The following KATNIP variants were observed in gnomAD, a reference collection of about 807,000 sequenced individuals.
The protein encoded by KATNIP is katanin-interacting protein.
In KATNIP, 126 loss-of-function variants were observed where a neutral mutation model predicts 174.0. The ratio of observed to expected loss-of-function variants is 0.72; its 90% CI spans 0.63 to 0.84. KATNIP has a LOEUF of 0.84. KATNIP is among the 40% of genes least tolerant of loss of function. The pLI is 0.00. For synonymous variants in KATNIP, 810 were observed against 835.7 expected (o/e 0.97, Z 0.53); for missense variants, 1,958 against 2,109.7 (o/e 0.93, Z 1.41).
intron 6 of KATNIP, among the ~76,000 whole-genome samples, chr16:27,670,178 AC>A (rs1175605901): frequency 6.6e-6 from 1 of 151,616 alleles, no homozygotes; most frequent in Non-Finnish European, 1.5e-5. Context: ...TTTTTAAAAA[AC>A]TCTAGTTTCC....
At chr16:27,612,655 A>G (rs2075924744) in intron 2 of KATNIP, among the ~76,000 whole-genome samples, 1 of 152,060 alleles carries the variant, frequency 6.6e-6, no homozygotes, top group Non-Finnish European at 1.5e-5. Flanking sequence ...GCTACTTGGG[A>G]GGCCAAGACA....
chr16:27,595,877 A>G (rs1200650011), intron 2 of KATNIP, among the ~76,000 whole-genome samples: 2 of 152,192 alleles, frequency 1.3e-5, no homozygotes, highest in African/African-American at 4.8e-5. Context: ...AGCCACGCAG[A>G]TCTCTGGGAA....
At chr16:27,597,380 A>ATTTTT (rs2075366633) in intron 2 of KATNIP, among the ~76,000 whole-genome samples, 2 of 64,294 alleles carry the variant, frequency 3.1e-5, no homozygotes, top group Non-Finnish European at 7.1e-5. Flanking sequence ...TATATGTGGT[A>ATTTTT]TTTTTTAATG....
In KATNIP at chr16:27,627,643, C is replaced by T. The variant is rs143098298; in HGVS notation, c.141-1018C>T. Among the ~76,000 whole-genome samples the T allele has an allele frequency of 9.9e-5, 15 of 152,280 alleles. No individual in the cohort carries two copies. In the East Asian group the frequency reaches 2.7e-3, roughly 27 times the overall value. On this transcript the variant is annotated intron_variant, in intron 3 of 27. Coordinates refer to ENST00000261588, the MANE Select transcript of KATNIP (RefSeq NM_015202.5). ...CGCTCGTACTGCGAATAATGAGAAT[C>T]GACTTTAGGTTTTTAGAACAGAGTT... is the stretch of plus-strand genomic sequence containing the variant.
intron 13 of KATNIP, among the ~76,000 whole-genome samples, chr16:27,714,362 AT>A (rs941258144): frequency 5.9e-5 from 9 of 151,534 alleles, no homozygotes; most frequent in African/African-American, 1.7e-4. Context: ...TGCCATATAT[AT>A]TTTTTTGTTT....
At chr16:27,616,461 C>T (rs1237146450) in intron 2 of KATNIP, among the ~76,000 whole-genome samples, 1 of 152,152 alleles carries the variant, frequency 6.6e-6, no homozygotes, top group Non-Finnish European at 1.5e-5. Flanking sequence ...CGCAGTGGCT[C>T]ACACTTGTAA....
In KATNIP at chr16:27,677,780, G is replaced by A; in HGVS notation, c.592G>A (p.Asp198Asn). The A allele has an allele frequency of 6.2e-7, 1 of 1,614,046 alleles. No homozygotes were observed. The highest frequency in any genetic ancestry group is 8.5e-7 in the Non-Finnish European group (1 of 1,179,924). ...TGTAAATCTACAAAGGAAACAAAAG[G>A]ATTGTTCCAGCGATGAGTATGACTC... ...LSVNLQRKQK[D>N]CSSDEYDSIE... Residue 198 changes from aspartate to asparagine, a missense_variant, in exon 7 of 28, where the codon GAT (aspartate) becomes AAT (asparagine). This residue lies in a region of KATNIP where 1,557 missense variants were observed against 1,617.8 expected (regional missense o/e 0.96). Transcript: ENST00000261588.
chr16:27,764,788 G>T (rs1383555592), intron 19 of KATNIP, among the ~76,000 whole-genome samples: 1 of 152,178 alleles, frequency 6.6e-6, no homozygotes, highest in Non-Finnish European at 1.5e-5. Flanking sequence ...ATTGCCTTTA[G>T]AAGGAAATAG....
Position 27,679,744 on chromosome 16 carries a change from C to T in KATNIP, c.809-1655C>T, listed in dbSNP as rs576452518. Among the ~76,000 whole-genome samples, 288 of 145,636 alleles carry T rather than the reference C, an allele frequency of 2.0e-3. 2 individuals are homozygous for T. The highest frequency in any genetic ancestry group is 7.0e-3 in the African/African-American group (268 of 38,328). On this transcript the variant is annotated intron_variant, in intron 7 of 27. Coordinates refer to ENST00000261588, the MANE Select transcript of KATNIP (RefSeq NM_015202.5). ...TGCAGCCTGGGTGACAGAATGAGAC[C>T]CTCTCAAAAAAAAAAAAAAAAAAAA...
chr16:27,690,125 A>ATACCTCATC (rs1324945025), intron 8 of KATNIP, among the ~76,000 whole-genome samples: 1 of 151,928 alleles, frequency 6.6e-6, no homozygotes, highest in East Asian at 1.9e-4. Context: ...CAACAAAGTG[A>ATACCTCATC]TACCTCATCT....
chr16:27,635,368 G>A (rs2076602154), intron 5 of KATNIP, among the ~76,000 whole-genome samples: 1 of 152,076 alleles, frequency 6.6e-6, no homozygotes, highest in African/African-American at 2.4e-5. Flanking sequence ...CCACAGAAAG[G>A]CTCCCCAGGA....
chr16:27,564,825 G>A (rs774062448), intron 1 of KATNIP, among the ~76,000 whole-genome samples: 7 of 151,776 alleles, frequency 4.6e-5, no homozygotes, highest in Non-Finnish European at 8.8e-5. Context: ...GAGTAATGGC[G>A]CAATCTCAGC....
chr16:27,573,667 G>A (rs2090383779), intron 1 of KATNIP, among the ~76,000 whole-genome samples: 1 of 152,204 alleles, frequency 6.6e-6, no homozygotes, highest in Non-Finnish European at 1.5e-5. Context: ...TTAAAGGCTG[G>A]AGCTTTGTTC....
chr16:27,632,510 TG>T (rs2076520723), intron 5 of KATNIP: 2 of 427,092 alleles, frequency 4.7e-6, no homozygotes, highest in African/African-American at 4.0e-5. Flanking sequence ...GATCTGAGGG[TG>T]GAGGTTTTGG....
intron 2 of KATNIP, among the ~76,000 whole-genome samples, chr16:27,594,127 G>A (rs898283650): frequency 1.3e-4 from 20 of 152,020 alleles, no homozygotes; most frequent in Non-Finnish European, 2.4e-4. Context: ...GGGCGTGGTG[G>A]TGTGTGCCTG....
chr16:27,763,555 C>T (rs1045257992), intron 19 of KATNIP, among the ~76,000 whole-genome samples: 1 of 137,938 alleles, frequency 7.2e-6, no homozygotes, highest in African/African-American at 2.8e-5. Context: ...TTCAAGGCTG[C>T]AGTGAGCCGT....
intron 4 of KATNIP, among the ~76,000 whole-genome samples, chr16:27,629,146 T>A (rs1596990736): frequency 7.2e-6 from 1 of 138,148 alleles, no homozygotes; most frequent in African/African-American, 2.8e-5. Context: ...CCAGCATGGG[T>A]GACAGAGCGA....
chr16:27,751,352 C>T (rs944708189), intron 16 of KATNIP, among the ~76,000 whole-genome samples: 2 of 152,100 alleles, frequency 1.3e-5, no homozygotes, highest in African/African-American at 2.4e-5. Context: ...CAAGGCTTGC[C>T]GGGTTGGAGC....
Position 27,708,854 on chromosome 16 carries a change from C to T in KATNIP, c.1539C>T (p.His513=), listed in dbSNP as rs761446546. 25 of 1,613,900 alleles carry T rather than the reference C, an allele frequency of 1.5e-5. No individual in the cohort carries two copies. Among genetic ancestry groups the T allele is most frequent in the Middle Eastern group, 1.7e-4 (1 of 6,048 alleles). ...ACACAAAGCTTTATGTGTCGCCCCA[C>T]GATGTGGATATCCGGAACACAGCCA... The part of the protein sequence containing the change: ...LNDTKLYVSP[H]DVDIRNTATP... Residue 513 remains histidine, a synonymous_variant, in exon 13 of 28, where the codon CAC becomes CAT. Transcript: ENST00000261588.
Sources: allele counts gnomAD v4.1 joint callset (sites outside exome capture counted in the v4.1 genomes callset), GRCh38; gene constraint gnomAD v4.1.1; regional missense constraint gnomAD v4.1.1; transcripts MANE v1.5; gene names NCBI Gene and HGNC (gene_info 2026-07-23, HGNC 2026-07-21).